The following CRIM1 variants were observed in gnomAD, a reference collection of about 807,000 sequenced individuals.
The protein encoded by CRIM1 is cysteine rich transmembrane BMP regulator 1.
A neutral mutation model predicts 116.4 loss-of-function variants in CRIM1; 32 were observed. The ratio of observed to expected loss-of-function variants is 0.27; its 90% CI spans 0.21 to 0.37. CRIM1 has a LOEUF of 0.37. CRIM1 is among the 10% of genes least tolerant of loss of function. The pLI is 1.00. For synonymous variants in CRIM1, 590 were observed against 509.2 expected (o/e 1.16, Z -2.13); for missense variants, 1,331 against 1,354.8 (o/e 0.98, Z 0.28).
intron 4 of CRIM1, among the ~76,000 whole-genome samples, chr2:36,458,684 G>A (rs1677335649): frequency 6.6e-6 from 1 of 152,170 alleles, no homozygotes; most frequent in South Asian, 2.1e-4. Context: ...GGGAGTAAGG[G>A]ACACAAGGTG....
intron 1 of CRIM1, among the ~76,000 whole-genome samples, chr2:36,391,039 G>T (rs1671542945): frequency 6.6e-6 from 1 of 151,624 alleles, no homozygotes; most frequent in Non-Finnish European, 1.5e-5. Flanking sequence ...TGAACTCCTG[G>T]GGTGAAGTCA....
intron 5 of CRIM1, among the ~76,000 whole-genome samples, chr2:36,465,205 G>A (rs1022215543): frequency 6.6e-6 from 1 of 152,134 alleles, no homozygotes; most frequent in Non-Finnish European, 1.5e-5. Flanking sequence ...TGACCCACGT[G>A]GCCCTGAAAA....
At chr2:36,546,746 T>C (rs890800744) in intron 15 of CRIM1, among the ~76,000 whole-genome samples, 1 of 150,504 alleles carries the variant, frequency 6.6e-6, no homozygotes, top group Non-Finnish European at 1.5e-5. Flanking sequence ...TACCCAATTA[T>C]TAAGATTCTC....
rs1387570796 is a variant in CRIM1 at position 36,476,962 on chromosome 2, G to A, written c.1065G>A (p.Arg355=). 1 of 1,613,948 alleles carries A rather than the reference G, an allele frequency of 6.2e-7. No individual in the cohort carries two copies. The highest frequency in any genetic ancestry group is 8.5e-7 in the Non-Finnish European group (1 of 1,179,888). Residue 355 remains arginine (R), a synonymous_variant, in exon 6 of 17, where the codon CGG becomes CGA. Coordinates refer to ENST00000280527, the MANE Select transcript of CRIM1 (RefSeq NM_016441.3). The part of the protein sequence containing the change: ...DGDMFRMDNC[R]FCRCQGGVAI... ...ACATGTTTCGAATGGACAACTGTCG[G>A]TTCTGTCGATGCCAAGGGGGCGTTG... is the stretch of plus-strand genomic sequence containing the variant.
intron 13 of CRIM1, among the ~76,000 whole-genome samples, chr2:36,526,901 G>T (rs188680777): frequency 6.6e-6 from 1 of 152,226 alleles, no homozygotes; most frequent in Non-Finnish European, 1.5e-5. Context: ...ATGTCCCCCA[G>T]TTAAGCCACT....
chr2:36,396,859 T>A (rs775584469), intron 2 of CRIM1, 72 bp downstream of exon 2: 18 of 1,313,008 alleles, frequency 1.4e-5, no homozygotes, highest in Non-Finnish European at 1.8e-5. Flanking sequence ...GTAATAGTAT[T>A]TGAGCTTGAA....
At chr2:36,525,694 C>T (rs947500115) in intron 13 of CRIM1, among the ~76,000 whole-genome samples, 3 of 152,148 alleles carry the variant, frequency 2.0e-5, no homozygotes, top group African/African-American at 7.2e-5. Context: ...CTCACCCCAG[C>T]CCACAGTGCT....
chr2:36,537,693 C>T, intron 14 of CRIM1, 147 bp downstream of exon 14: 3 of 874,304 alleles, frequency 3.4e-6, no homozygotes, highest in Non-Finnish European at 5.0e-6. Flanking sequence ...CCCAAAGACC[C>T]TATGGGTAAC....
At chr2:36,441,779 G>T (rs1487998708) in intron 3 of CRIM1, among the ~76,000 whole-genome samples, 1 of 152,128 alleles carries the variant, frequency 6.6e-6, no homozygotes, top group African/African-American at 2.4e-5. Flanking sequence ...TGGGGAGGTA[G>T]GGTTAAAATT....
chr2:36,515,023 T>TG (rs1352580976), intron 11 of CRIM1, among the ~76,000 whole-genome samples: 1 of 152,192 alleles, frequency 6.6e-6, no homozygotes. Context: ...TAGTTAAGTG[T>TG]GAAAAACTGC....
At position 36,548,846 on chromosome 2, in the gene CRIM1, C is replaced by T. The variant is rs1667543481; in HGVS notation, c.*145C>T. ...CGCTAAGACCTTACTGGGATGGGCT[C>T]TGTCTACAGCAATGTGCAGAACAAG... On this transcript the variant is annotated 3_prime_UTR_variant, in exon 17 of 17. Transcript: ENST00000280527. The T allele has an allele frequency of 1.8e-6, 1 of 564,480 alleles. No homozygotes were observed. Among genetic ancestry groups the T allele is most frequent in the Non-Finnish European group, 3.0e-6 (1 of 333,470 alleles). 35.0% of individuals were successfully genotyped at this position (564,480 alleles called of 1,614,324 possible).
At chr2:36,444,056 G>A (rs1014573088) in intron 4 of CRIM1, among the ~76,000 whole-genome samples, 5 of 152,208 alleles carry the variant, frequency 3.3e-5, no homozygotes, top group African/African-American at 1.2e-4. Flanking sequence ...ATCGCTAACA[G>A]TAACAGATGT....
intron 7 of CRIM1, among the ~76,000 whole-genome samples, chr2:36,481,924 G>C (rs540540540): frequency 3.3e-5 from 5 of 152,296 alleles, no homozygotes; most frequent in African/African-American, 1.2e-4. Context: ...AGGCAAGGGA[G>C]GAAATCATTT....
intron 1 of CRIM1, chr2:36,378,509 A>G (rs985727670): frequency 4.8e-6 from 2 of 418,112 alleles, no homozygotes; most frequent in African/African-American, 2.1e-5. Flanking sequence ...TGAAGCTCAC[A>G]GCTCTAACGT....
At chr2:36,398,145 G>T (rs1377827647) in intron 2 of CRIM1, among the ~76,000 whole-genome samples, 1 of 152,116 alleles carries the variant, frequency 6.6e-6, no homozygotes, top group Non-Finnish European at 1.5e-5. Context: ...AATAATTTAC[G>T]CATACACATT....
intron 5 of CRIM1, among the ~76,000 whole-genome samples, chr2:36,476,191 G>GA (rs1258055979): frequency 3.9e-5 from 6 of 152,078 alleles, no homozygotes; most frequent in African/African-American, 1.4e-4. Flanking sequence ...ACATAACCCT[G>GA]AAGCACAATG....
intron 11 of CRIM1, among the ~76,000 whole-genome samples, chr2:36,514,729 A>ATG (rs1391766479): frequency 7.7e-5 from 5 of 64,854 alleles, no homozygotes; most frequent in African/African-American, 2.5e-4. Flanking sequence ...TGTAGCCGGG[A>ATG]GCCTGAGGCC....
chr2:36,449,503 G>A (rs1454679929), intron 4 of CRIM1, among the ~76,000 whole-genome samples: 1 of 152,208 alleles, frequency 6.6e-6, no homozygotes, highest in Non-Finnish European at 1.5e-5. Context: ...ACCTGGTGCT[G>A]TTCAGAAAGG....
intron 4 of CRIM1, among the ~76,000 whole-genome samples, chr2:36,464,267 T>C (rs1677817892): frequency 6.6e-6 from 1 of 152,120 alleles, no homozygotes; most frequent in Non-Finnish European, 1.5e-5. Context: ...AAGTAAGAAA[T>C]GAGGTAATGC....
Sources: gnomAD v4.1 joint callset for allele counts (sites outside exome capture counted in the v4.1 genomes callset) on GRCh38, gnomAD v4.1.1 for gene constraint, MANE v1.5 for transcripts, NCBI Gene and HGNC (gene_info 2026-07-23, HGNC 2026-07-21) for gene names.